GATAD2B: variants seen among roughly 807,000 people sequenced by gnomAD.
GATAD2B encodes transcriptional repressor p66-beta.
A neutral mutation model predicts 64.3 loss-of-function variants in GATAD2B; 8 were observed. The ratio of observed to expected loss-of-function variants is 0.12; its 90% CI spans 0.07 to 0.22. The LOEUF is 0.22. Among genes scored for constraint, GATAD2B ranks in the 10% least tolerant of loss-of-function variants. The probability of loss-of-function intolerance (pLI) is 1.00; values close to 1 mark genes in which losing one functional copy is unlikely to be tolerated. For synonymous variants in GATAD2B, 281 were observed against 271.3 expected, an observed-to-expected ratio of 1.04 and a Z score of -0.35; for missense variants, 453 against 752.0, an observed-to-expected ratio of 0.60 and a Z score of 4.65.
intron 1 of GATAD2B, among the ~76,000 whole-genome samples, chr1:153,839,070 C>T (rs1675374572): frequency 7.6e-6 from 1 of 132,280 alleles, no homozygotes; most frequent in East Asian, 2.4e-4. Flanking sequence ...GATCAGGTCA[C>T]TTCACTCCAG....
At chr1:153,854,229 C>G (rs1237788430) in intron 1 of GATAD2B, among the ~76,000 whole-genome samples, 1 of 151,990 alleles carries the variant, frequency 6.6e-6, no homozygotes, top group Admixed American at 6.6e-5. Context: ...GGTAAAACCC[C>G]GTCTCTACTA....
At chr1:153,855,158 T>C (rs1392042456) in intron 1 of GATAD2B, among the ~76,000 whole-genome samples, 1 of 152,098 alleles carries the variant, frequency 6.6e-6, no homozygotes, top group Non-Finnish European at 1.5e-5. Flanking sequence ...GTTATAATGG[T>C]ATTGTGGTTG....
chr1:153,889,192 C>T (rs1302801000), intron 1 of GATAD2B, among the ~76,000 whole-genome samples: 1 of 151,860 alleles, frequency 6.6e-6, no homozygotes, highest in Non-Finnish European at 1.5e-5. Context: ...TGTGGTGGCT[C>T]ACCTGAGGTC....
intron 7 of GATAD2B, among the ~76,000 whole-genome samples, chr1:153,814,742 G>A (rs1457375349): frequency 6.6e-6 from 1 of 152,064 alleles, no homozygotes; most frequent in African/African-American, 2.4e-5. Context: ...TTGGGAAGCC[G>A]AGGCAGGTGG....
At chr1:153,815,829 G>T (rs564839769) in intron 7 of GATAD2B, among the ~76,000 whole-genome samples, 1 of 152,198 alleles carries the variant, frequency 6.6e-6, no homozygotes, top group African/African-American at 2.4e-5. Flanking sequence ...GAGGTGGGCA[G>T]ATCACCTGAT....
At chr1:153,902,225 G>C (rs1486736971) in intron 1 of GATAD2B, among the ~76,000 whole-genome samples, 1 of 152,044 alleles carries the variant, frequency 6.6e-6, no homozygotes, top group Non-Finnish European at 1.5e-5. Flanking sequence ...AGGTTGCGGT[G>C]AGCCAAGATT....
chr1:153,891,603 T>TG (rs1378171588), intron 1 of GATAD2B, among the ~76,000 whole-genome samples: 3 of 39,672 alleles, frequency 7.6e-5, no homozygotes, highest in East Asian at 9.3e-4. Context: ...AAAAAAGAGG[T>TG]GGGGGGGAGA....
chr1:153,872,875 A>G (rs1244372505), intron 1 of GATAD2B, among the ~76,000 whole-genome samples: 1 of 152,148 alleles, frequency 6.6e-6, no homozygotes, highest in Non-Finnish European at 1.5e-5. Flanking sequence ...AGTACTTCCC[A>G]TTTTATCACA....
chr1:153,835,254 G>A (rs184539657), intron 1 of GATAD2B, among the ~76,000 whole-genome samples: 1 of 152,122 alleles, frequency 6.6e-6, no homozygotes, highest in East Asian at 1.9e-4. Context: ...AGAAGATTTA[G>A]AATATTCCAT....
At chr1:153,831,916 T>C (rs893074168) in intron 1 of GATAD2B, among the ~76,000 whole-genome samples, 16 of 152,188 alleles carry the variant, frequency 1.1e-4, no homozygotes, top group Admixed American at 7.9e-4. Context: ...TGCAGATACT[T>C]TGTTAAAGGA....
At chr1:153,815,123 A>G (rs1467852408) in intron 7 of GATAD2B, among the ~76,000 whole-genome samples, 3 of 146,966 alleles carry the variant, frequency 2.0e-5, no homozygotes, top group Non-Finnish European at 4.5e-5. Flanking sequence ...CCAACAAAGA[A>G]AAAAACTGGC....
In GATAD2B at chr1:153,812,135, G is replaced by GT. The variant is rs935752999; in HGVS notation, c.1420-4dup. ...TGCTGTAATCGCTGTTCAATTTCCTGTTGGGAGTCATCACATCAGGTGATT... is the reference window on the plus strand; with the variant it reads ...TGCTGTAATCGCTGTTCAATTTCCTGTTTGGGAGTCATCACATCAGGTGATT... On this transcript the variant is annotated splice_polypyrimidine_tract_variant and splice_region_variant and intron_variant, in intron 8 of 10. Coordinates refer to ENST00000368655, the MANE Select transcript of GATAD2B (RefSeq NM_020699.4). The GT allele has an allele frequency of 1.3e-6, 2 of 1,553,450 alleles. No homozygotes were observed. The highest frequency in any genetic ancestry group is 1.8e-6 in the Non-Finnish European group (2 of 1,126,268).
chr1:153,817,470 G>C lies in GATAD2B; in HGVS notation c.802C>G (p.Pro268Ala), dbSNP rs1674518827. 6.2e-7 allele frequency: 1 copy of C among 1,613,488 alleles called. No individual in the cohort carries two copies. The highest frequency in any genetic ancestry group is 8.5e-7 in the Non-Finnish European group (1 of 1,179,840). ...TGACCCTGTAGCTGGGCTGGGTTTG[G>C]TGCAATAACACGTTGAGACATCAAC... Reference protein sequence around the residue: ...HMLMSQRVIAPNPAQLQGQRG... With the variant: ...HMLMSQRVIAANPAQLQGQRG... Residue 268 changes from proline to alanine, a missense_variant, in exon 6 of 11, where the codon CCA becomes GCA. Physicochemically the swap from Pro to Ala is conservative, Grantham distance 27. Transcript: ENST00000368655.
chr1:153,883,182 A>G lies in GATAD2B; in HGVS notation c.-2+39551T>C, dbSNP rs1677060850. Among the ~76,000 whole-genome samples the G allele has an allele frequency of 2.0e-5, 3 of 152,206 alleles. No individual in the cohort carries two copies. In the South Asian group the frequency reaches 6.2e-4, roughly 31 times the overall value. On this transcript the variant is annotated intron_variant, in intron 1 of 10. Transcript: ENST00000368655. ...CACAAAGCCCTTGTTCTCAAATATTAAAGTTTCTAGCAAACATGGAGAAAA... is the reference window on the plus strand; with the variant it reads ...CACAAAGCCCTTGTTCTCAAATATTGAAGTTTCTAGCAAACATGGAGAAAA...
intron 1 of GATAD2B, among the ~76,000 whole-genome samples, chr1:153,843,481 C>T (rs932547739): frequency 6.6e-6 from 1 of 152,028 alleles, no homozygotes; most frequent in Non-Finnish European, 1.5e-5. Context: ...TGTCATGTTG[C>T]CCAGGTTAGT....
intron 1 of GATAD2B, among the ~76,000 whole-genome samples, chr1:153,913,931 AAG>A (rs1491048244): frequency 1.3e-5 from 2 of 149,084 alleles, no homozygotes; most frequent in Admixed American, 6.7e-5. Context: ...AAAAAAAAAA[AAG>A]AAGAAAAAAT....
At chr1:153,894,861 CA>C (rs939911727) in intron 1 of GATAD2B, among the ~76,000 whole-genome samples, 172 of 149,204 alleles carry the variant, frequency 1.2e-3, no homozygotes, top group Non-Finnish European at 1.7e-3. Flanking sequence ...GACTACGTCT[CA>C]AAAAAACAAA....
chr1:153,876,458 G>C (rs1210319398), intron 1 of GATAD2B, among the ~76,000 whole-genome samples: 6 of 152,102 alleles, frequency 3.9e-5, no homozygotes, highest in African/African-American at 1.4e-4. Context: ...GTATCACTGA[G>C]TTTACTACAC....
chr1:153,815,669 C>T (rs549901142), intron 7 of GATAD2B, among the ~76,000 whole-genome samples: 14 of 151,582 alleles, frequency 9.2e-5, no homozygotes, highest in Non-Finnish European at 1.9e-4. Context: ...AAAAACAAGC[C>T]GAAAGATAGA....
Sources: gnomAD v4.1 joint callset for allele counts (sites outside exome capture counted in the v4.1 genomes callset) on GRCh38, gnomAD v4.1.1 for gene constraint, MANE v1.5 for transcripts, NCBI Gene and HGNC (gene_info 2026-07-23, HGNC 2026-07-21) for gene names.